The following SGIP1 variants were observed in gnomAD, a reference collection of about 807,000 sequenced individuals.
The protein encoded by SGIP1 is SH3GL interacting endocytic adaptor 1.
In SGIP1, 38 loss-of-function variants were observed where a neutral mutation model predicts 107.5. The observed-to-expected ratio is 0.35, with a 90% CI of 0.27 to 0.46. The LOEUF is 0.46. Among genes scored for constraint, SGIP1 ranks in the 20% least tolerant of loss-of-function variants. The pLI is 1.00. For synonymous variants in SGIP1, 365 were observed against 366.1 expected (o/e 1.00, Z 0.03); for missense variants, 929 against 1,019.5 (o/e 0.91, Z 1.21).
At chr1:66,697,322 GT>G (rs1395376569) in intron 18 of SGIP1, among the ~76,000 whole-genome samples, 1 of 152,154 alleles carries the variant, frequency 6.6e-6, no homozygotes, top group Non-Finnish European at 1.5e-5. Context: ...AGATGTCTGG[GT>G]ATTTAAAGTT....
intron 17 of SGIP1, among the ~76,000 whole-genome samples, chr1:66,692,469 G>A (rs2090072408): frequency 6.6e-6 from 1 of 152,112 alleles, no homozygotes; most frequent in South Asian, 2.1e-4. Flanking sequence ...CCTGCTGTGG[G>A]TCAGCTGACA....
intron 8 of SGIP1, among the ~76,000 whole-genome samples, chr1:66,664,151 A>C (rs1383897874): frequency 1.3e-5 from 2 of 152,298 alleles, no homozygotes; most frequent in East Asian, 1.9e-4. Context: ...ATAAAGTCTA[A>C]ATTTTCATAT....
chr1:66,736,158 A>G (rs2094223896), intron 21 of SGIP1, among the ~76,000 whole-genome samples: 1 of 147,352 alleles, frequency 6.8e-6, no homozygotes, highest in Non-Finnish European at 1.5e-5. Flanking sequence ...TAACATATAA[A>G]ATAACACATT....
upstream of SGIP1, among the ~76,000 whole-genome samples, chr1:66,533,926 G>A (rs1190547875): frequency 6.6e-6 from 1 of 151,776 alleles, no homozygotes; most frequent in Non-Finnish European, 1.5e-5. Context: ...GGCGGGGGAA[G>A]TGCGTCACCA....
intron 1 of SGIP1, among the ~76,000 whole-genome samples, chr1:66,542,719 T>C (rs2055290303): frequency 6.6e-6 from 1 of 152,212 alleles, no homozygotes; most frequent in South Asian, 2.1e-4. Flanking sequence ...AGATCACTGT[T>C]GACTGTGGGT....
In SGIP1 at chr1:66,746,062, G is replaced by A. The variant is rs898136191; in HGVS notation, c.*2967G>A. The A allele has an allele frequency of 6.7e-6, 1 of 149,472 alleles. No homozygotes were observed. The highest frequency in any genetic ancestry group is 2.6e-5 in the African/African-American group (1 of 38,902). The allele number at this position is 149,472 out of a possible 1,614,324, so 9.3% of individuals were successfully genotyped here. A position where few individuals can be genotyped will look rare whatever the true frequency, so the allele number is the denominator to read the frequency against. On this transcript the variant is annotated 3_prime_UTR_variant, in exon 25 of 25. Coordinates refer to ENST00000371037, the MANE Select transcript of SGIP1 (RefSeq NM_032291.4). ...TGAGTTAATAGATAGGAATCCCTCA[G>A]TCAAACTACAGAATTTTTTTTGTTT...
At chr1:66,547,032 A>C (rs1399996708) in intron 1 of SGIP1, among the ~76,000 whole-genome samples, 1 of 150,710 alleles carries the variant, frequency 6.6e-6, no homozygotes, top group African/African-American at 2.4e-5. Context: ...AAAGCTGTAA[A>C]ATTTTTATGT....
chr1:66,576,809 G>T (rs1422313389), intron 1 of SGIP1, among the ~76,000 whole-genome samples: 1 of 152,142 alleles, frequency 6.6e-6, no homozygotes. Flanking sequence ...GATTAGCCAT[G>T]TGTCATCTGA....
At chr1:66,655,375 T>C (rs1179661400) in intron 7 of SGIP1, among the ~76,000 whole-genome samples, 3 of 152,142 alleles carry the variant, frequency 2.0e-5, no homozygotes, top group East Asian at 1.9e-4. Context: ...GCCCACCTTA[T>C]ATAAAATCGC....
At chr1:66,685,683 T>C (rs2088028150) in intron 15 of SGIP1, among the ~76,000 whole-genome samples, 3 of 152,230 alleles carry the variant, frequency 2.0e-5, no homozygotes, top group Admixed American at 2.0e-4. Context: ...AGAGCAGCAA[T>C]GTCCAATACA....
At chr1:66,586,947 T>C (rs1332952624) in intron 1 of SGIP1, among the ~76,000 whole-genome samples, 1 of 152,090 alleles carries the variant, frequency 6.6e-6, no homozygotes. Context: ...CACTGGGTAG[T>C]AAATTCTGAG....
intron 2 of SGIP1, among the ~76,000 whole-genome samples, chr1:66,627,563 C>T (rs1029122126): frequency 1.1e-4 from 16 of 151,984 alleles, no homozygotes; most frequent in Admixed American, 7.9e-4. Flanking sequence ...AAGGATTGGG[C>T]GAACAAAGTT....
chr1:66,698,344 G>C (rs2091311540), intron 18 of SGIP1, among the ~76,000 whole-genome samples: 1 of 150,608 alleles, frequency 6.6e-6, no homozygotes. Context: ...ATTTTAAGTT[G>C]GGAAAAAAAC....
chr1:66,672,041 A>G, intron 11 of SGIP1, 46 bp downstream of exon 11: 2 of 1,576,896 alleles, frequency 1.3e-6, no homozygotes, highest in Non-Finnish European at 1.7e-6. Flanking sequence ...GGCATCATGA[A>G]CTTTTAACAA....
At chr1:66,560,391 A>G (rs1335664347) in intron 1 of SGIP1, among the ~76,000 whole-genome samples, 1 of 152,140 alleles carries the variant, frequency 6.6e-6, no homozygotes, top group East Asian at 1.9e-4. Flanking sequence ...AATAGAGGGA[A>G]CTCTGATGCC....
At chr1:66,597,745 A>G (rs902943818) in intron 1 of SGIP1, among the ~76,000 whole-genome samples, 1 of 152,098 alleles carries the variant, frequency 6.6e-6, no homozygotes, top group Non-Finnish European at 1.5e-5. Context: ...AGAGTATGGG[A>G]CTTTCTAGAG....
chr1:66,703,354 T>A (rs2092161497), intron 18 of SGIP1, among the ~76,000 whole-genome samples: 1 of 152,152 alleles, frequency 6.6e-6, no homozygotes, highest in South Asian at 2.1e-4. Context: ...TATACCTACA[T>A]AGACTCTACC....
intron 7 of SGIP1, chr1:66,660,159 G>GAAAGAAGAGAGAAAGA (rs2081016673): frequency 1.5e-5 from 1 of 67,406 alleles, no homozygotes; most frequent in African/African-American, 9.5e-5. Flanking sequence ...AAGAAAGAAA[G>GAAAGAAGAGAGAAAGA]AAAGAAAGAA....
intron 1 of SGIP1, among the ~76,000 whole-genome samples, chr1:66,620,546 G>C (rs890760516): frequency 6.6e-6 from 1 of 152,104 alleles, no homozygotes; most frequent in Non-Finnish European, 1.5e-5. Flanking sequence ...GAGAGACAGA[G>C]AGACAGAGAG....
Sources: gnomAD v4.1 joint callset for allele counts (sites outside exome capture counted in the v4.1 genomes callset) on GRCh38, gnomAD v4.1.1 for gene constraint, MANE v1.5 for transcripts, NCBI Gene and HGNC (gene_info 2026-07-23, HGNC 2026-07-21) for gene names.